LIPI: variants seen among roughly 807,000 people sequenced by gnomAD.
LIPI encodes lipase I.
A neutral mutation model predicts 50.6 loss-of-function variants in LIPI; 59 were observed. The ratio of observed to expected loss-of-function variants is 1.16; its 90% CI spans 0.94 to 1.45. The LOEUF (loss-of-function observed/expected upper bound fraction) is 1.45. Ranked by LOEUF, LIPI falls within the 40% of genes most tolerant of loss-of-function variation. The pLI, the probability that LIPI is intolerant of heterozygous loss-of-function variation, is 0.00. For synonymous variants in LIPI, 203 were observed against 178.2 expected (o/e 1.14, Z -1.11); for missense variants, 586 against 536.3 (o/e 1.09, Z -0.92).
intron 3 of LIPI, among the ~76,000 whole-genome samples, chr21:14,182,325 T>C (rs1467706110): frequency 6.6e-6 from 1 of 152,058 alleles, no homozygotes; most frequent in East Asian, 1.9e-4. Context: ...TGTTATCTTA[T>C]CCATTTCTCG....
At chr21:14,203,873 T>C (rs2020148413) in intron 1 of LIPI, among the ~76,000 whole-genome samples, 1 of 105,538 alleles carries the variant, frequency 9.5e-6, no homozygotes, top group African/African-American at 3.5e-5. Context: ...AAAGAAAATG[T>C]GGTACATATA....
chr21:14,171,032 T>A (rs1359172689), intron 4 of LIPI, among the ~76,000 whole-genome samples: 13 of 150,496 alleles, frequency 8.6e-5, no homozygotes, highest in Admixed American at 2.6e-4. Context: ...GGATACAAAA[T>A]CAATGTGCAA....
At chr21:14,144,867 AT>A in intron 8 of LIPI, 68 bp from the exon 9 acceptor site, 1 of 1,112,918 alleles carries the variant, frequency 9.0e-7, no homozygotes, top group Non-Finnish European at 1.3e-6. Context: ...TAAAATCAAT[AT>A]AATCCTAATA....
chr21:14,197,026 TACACACACACAC>T lies in LIPI; in HGVS notation c.47-7619_47-7608del, dbSNP rs140607205. Among the ~76,000 whole-genome samples the T allele has an allele frequency of 3.4e-5, 5 of 147,208 alleles. No homozygotes were observed. In the East Asian group the frequency reaches 8.0e-4, roughly 24 times the overall value. On this transcript the variant is annotated intron_variant, in intron 1 of 9. Transcript: ENST00000681601. The stretch of plus-strand genomic sequence containing the variant: ...ATATCAAACATAAAGATAGGACAAA[TACACACACACAC>T]ACACACACACATACACCAGATAAAT...
intron 4 of LIPI, among the ~76,000 whole-genome samples, chr21:14,170,483 G>T (rs148415531): frequency 6.6e-6 from 1 of 151,892 alleles, no homozygotes; most frequent in African/African-American, 2.4e-5. Context: ...CTGGCAAACC[G>T]AATCCAGCAG....
At chr21:14,139,433 A>G (rs1302742000) in intron 9 of LIPI, among the ~76,000 whole-genome samples, 1 of 152,102 alleles carries the variant, frequency 6.6e-6, no homozygotes, top group Non-Finnish European at 1.5e-5. Context: ...CTTTCTTTTT[A>G]AAATTGTTCC....
In LIPI at chr21:14,153,845, G is replaced by T. The variant is rs147180113; in HGVS notation, c.1007-1161C>A. ...TAGGAAAATTCTTCCTATTTTTTCA[G>T]TCTGGGTCTTACGTGAAAACATAAA... is the stretch of plus-strand genomic sequence containing the variant. On this transcript the variant is annotated intron_variant, in intron 7 of 9. Coordinates refer to ENST00000681601, the MANE Select transcript of LIPI (RefSeq NM_001302998.2). Among the ~76,000 whole-genome samples the T allele has an allele frequency of 7.6e-3, 1,160 of 152,242 alleles. 18 individuals are homozygous for T. Among genetic ancestry groups the T allele is most frequent in the African/African-American group, 0.025 (1,056 of 41,536 alleles).
chr21:14,109,368 T>C (rs371374420), intron 9 of LIPI, among the ~76,000 whole-genome samples: 4 of 152,132 alleles, frequency 2.6e-5, no homozygotes, highest in African/African-American at 7.2e-5. Context: ...TAGATACTGA[T>C]ACAGTTGAAA....
intron 1 of LIPI, among the ~76,000 whole-genome samples, chr21:14,204,774 G>T (rs2020179077): frequency 6.6e-6 from 1 of 151,832 alleles, no homozygotes; most frequent in African/African-American, 2.4e-5. Context: ...TTATATTAAA[G>T]TATTCCATGT....
At chr21:14,135,919 A>G (rs1036256433) in intron 9 of LIPI, among the ~76,000 whole-genome samples, 1 of 152,134 alleles carries the variant, frequency 6.6e-6, no homozygotes, top group Non-Finnish European at 1.5e-5. Flanking sequence ...CACTTGAAGG[A>G]AGGAGAGGTA....
intron 1 of LIPI, among the ~76,000 whole-genome samples, chr21:14,203,600 C>T (rs913014228): frequency 7.2e-5 from 11 of 151,978 alleles, no homozygotes; most frequent in South Asian, 2.1e-4. Flanking sequence ...AACCAAACAC[C>T]GCATGTTCTC....
At chr21:14,146,286 CAA>C (rs199544529) in intron 8 of LIPI, among the ~76,000 whole-genome samples, 15 of 136,474 alleles carry the variant, frequency 1.1e-4, no homozygotes, top group East Asian at 4.2e-4. Context: ...TTTCTCCAAC[CAA>C]AAAAAAAAAA....
At chr21:14,206,756 A>C in intron 1 of LIPI, 3 of 1,028,612 alleles carry the variant, frequency 2.9e-6, no homozygotes, top group Admixed American at 3.9e-5. Flanking sequence ...GTGTTGTTTT[A>C]TATTTCCTCT....
At chr21:14,156,091 C>T (rs984292798) in intron 7 of LIPI, among the ~76,000 whole-genome samples, 3 of 151,984 alleles carry the variant, frequency 2.0e-5, no homozygotes, top group Admixed American at 2.0e-4. Context: ...AATCATTAAA[C>T]AGTGATGAAT....
intron 9 of LIPI, among the ~76,000 whole-genome samples, chr21:14,122,320 C>T (rs538305489): frequency 6.6e-6 from 1 of 152,284 alleles, no homozygotes; most frequent in African/African-American, 2.4e-5. Context: ...TCATGGGCAA[C>T]CTCAAGTATG....
At chr21:14,162,519 A>G (rs1161775850) in intron 7 of LIPI, among the ~76,000 whole-genome samples, 1 of 151,848 alleles carries the variant, frequency 6.6e-6, no homozygotes, top group African/African-American at 2.4e-5. Context: ...ATATCCTGCT[A>G]CTACTCTATG....
intron 4 of LIPI, among the ~76,000 whole-genome samples, chr21:14,173,605 A>T (rs2018995500): frequency 1.3e-5 from 2 of 152,238 alleles, no homozygotes; most frequent in South Asian, 4.1e-4. Flanking sequence ...AACACAGTGA[A>T]CTCATGAAAG....
chr21:14,159,430 A>G (rs1049195341), intron 7 of LIPI, among the ~76,000 whole-genome samples: 6 of 151,502 alleles, frequency 4.0e-5, no homozygotes, highest in Non-Finnish European at 8.9e-5. Flanking sequence ...CATAAAAAGC[A>G]TATGGCAAAA....
chr21:14,189,476 G>A (rs913041108), intron 1 of LIPI, 57 bp from the exon 2 acceptor site: 43 of 1,481,842 alleles, frequency 2.9e-5, no homozygotes, highest in Non-Finnish European at 2.2e-5. Flanking sequence ...TATTCCTGTT[G>A]CTATTGCAAA....
Sources: gnomAD v4.1 joint callset for allele counts (sites outside exome capture counted in the v4.1 genomes callset) on GRCh38, gnomAD v4.1.1 for gene constraint, MANE v1.5 for transcripts, NCBI Gene and HGNC (gene_info 2026-07-23, HGNC 2026-07-21) for gene names.